Variants in ADAP2 observed in about 807,000 individuals in gnomAD.
ADAP2 encodes the protein arf-GAP with dual PH domain-containing protein 2.
In ADAP2, 42 loss-of-function variants were observed where a neutral mutation model predicts 54.9. The observed-to-expected ratio is 0.77, with a 90% CI of 0.60 to 0.99. The LOEUF (loss-of-function observed/expected upper bound fraction) is 0.99, where lower values mean the gene tolerates loss of function less well. ADAP2 is among the 50% of genes least tolerant of loss of function. The pLI, the probability that ADAP2 is intolerant of heterozygous loss-of-function variation, is 0.00. For missense variants in ADAP2, 429 were observed against 480.4 expected (o/e 0.89, Z 1.00); for synonymous variants, 177 against 180.1 (o/e 0.98, Z 0.14).
Position 30,934,205 on chromosome 17 carries a change from T to G in ADAP2, c.418T>G (p.Trp140Gly), listed in dbSNP as rs1911702559. ...SLPGNREGFL[W>G]KRGRDNSQFL... is the part of the protein sequence containing the mutation. ...TTAAGGTAACCGAGAAGGATTCCTGTGGAAGCGAGGAAGGGACAACTCACA... is the reference window on the plus strand; with the variant it reads ...TTAAGGTAACCGAGAAGGATTCCTGGGGAAGCGAGGAAGGGACAACTCACA... The change falls in exon 5 of 11, where the codon TGG becomes GGG. Residue 140 changes from tryptophan to glycine, a missense_variant. Trp to Gly is a radical substitution (Grantham distance 184). Transcript: ENST00000330889. 2 of 1,614,068 alleles carry G rather than the reference T, an allele frequency of 1.2e-6. No individual in the cohort carries two copies. Among genetic ancestry groups the G allele is most frequent in the East Asian group, 4.5e-5 (2 of 44,878 alleles).
intron 3 of ADAP2, among the ~76,000 whole-genome samples, chr17:30,930,509 C>G (rs1373033622): frequency 1.3e-5 from 2 of 152,218 alleles, no homozygotes; most frequent in African/African-American, 4.8e-5. Context: ...CTCTCATACT[C>G]TCTCTGGCTC....
chr17:30,952,749 C>T (rs1904766138), intron 7 of ADAP2, among the ~76,000 whole-genome samples: 1 of 152,070 alleles, frequency 6.6e-6, no homozygotes, highest in South Asian at 2.1e-4. Context: ...CTCAGAGGGC[C>T]CTGGCATATT....
At chr17:30,950,531 C>T (rs1332601543) in intron 7 of ADAP2, among the ~76,000 whole-genome samples, 4 of 152,244 alleles carry the variant, frequency 2.6e-5, no homozygotes, top group Non-Finnish European at 5.9e-5. Flanking sequence ...CTCTGGTCCT[C>T]TTCAAGAGGC....
At chr17:30,927,693 C>T (rs894719541) in intron 3 of ADAP2, among the ~76,000 whole-genome samples, 8 of 151,970 alleles carry the variant, frequency 5.3e-5, no homozygotes. Context: ...AACAACTTGC[C>T]TGAGCTGCAG....
chr17:30,939,767 T>A (rs1212781390), intron 5 of ADAP2, among the ~76,000 whole-genome samples: 4 of 146,494 alleles, frequency 2.7e-5, no homozygotes, highest in Admixed American at 1.4e-4. Context: ...CAAAATTCCA[T>A]TTCCAAAAAA....
chr17:30,928,190 CA>C (rs1168453604), intron 3 of ADAP2, among the ~76,000 whole-genome samples: 669 of 33,244 alleles, frequency 0.02, no homozygotes, highest in African/African-American at 0.031. Context: ...GAGACTGTCT[CA>C]AAAAAAAAAA....
At chr17:30,923,874 A>T (rs1295352433) in intron 2 of ADAP2, among the ~76,000 whole-genome samples, 6 of 149,776 alleles carry the variant, frequency 4.0e-5, no homozygotes, top group Non-Finnish European at 7.4e-5. Flanking sequence ...TAATTTTTGT[A>T]TTAATTTTTA....
chr17:30,955,046 A>G (rs911155159), intron 9 of ADAP2, among the ~76,000 whole-genome samples: 5 of 151,956 alleles, frequency 3.3e-5, no homozygotes, highest in Non-Finnish European at 5.9e-5. Flanking sequence ...TTAAGTTACT[A>G]TATATAAAGC....
chr17:30,925,619 TCTCA>T (rs1911000075), intron 2 of ADAP2, among the ~76,000 whole-genome samples: 2 of 149,766 alleles, frequency 1.3e-5, no homozygotes, highest in Non-Finnish European at 3.0e-5. Context: ...TGAGACGGAG[TCTCA>T]CTCACTCTGT....
At chr17:30,933,648 C>T (rs1464743793) in intron 4 of ADAP2, among the ~76,000 whole-genome samples, 1 of 152,100 alleles carries the variant, frequency 6.6e-6, no homozygotes, top group Non-Finnish European at 1.5e-5. Context: ...TACAGGCACG[C>T]GCCACCATGC....
chr17:30,925,338 C>T (rs1389122616), intron 2 of ADAP2, among the ~76,000 whole-genome samples: 1 of 151,256 alleles, frequency 6.6e-6, no homozygotes, highest in Non-Finnish European at 1.5e-5. Flanking sequence ...TACAGGCGCC[C>T]GCCACCATGC....
intron 4 of ADAP2, 91 bp downstream of exon 4, chr17:30,932,059 A>G: frequency 1.6e-6 from 2 of 1,220,568 alleles, no homozygotes; most frequent in Non-Finnish European, 2.4e-6. Context: ...GATCCATCCA[A>G]GAGATGCCTG....
At chr17:30,952,513 T>C (rs1285919010) in intron 7 of ADAP2, among the ~76,000 whole-genome samples, 2 of 152,142 alleles carry the variant, frequency 1.3e-5, no homozygotes, top group Non-Finnish European at 2.9e-5. Flanking sequence ...GTAGCTGGGA[T>C]TACAAGCGCG....
In ADAP2 at chr17:30,922,924, GC is replaced by G. The variant is rs1910746692; in HGVS notation, c.95-14del. ...GCGCTTTCCGCTCAGCTCCTCTCCT[GC>G]CTCATCCCCTGCAGATCCCGACTGG... On this transcript the variant is annotated splice_polypyrimidine_tract_variant and intron_variant, in intron 1 of 10. Coordinates refer to ENST00000330889, the MANE Select transcript of ADAP2 (RefSeq NM_018404.3). 11 of 1,612,964 alleles carry G rather than the reference GC, an allele frequency of 6.8e-6. No individual in the cohort carries two copies. The highest frequency in any genetic ancestry group is 9.3e-6 in the Non-Finnish European group (11 of 1,179,666).
intron 4 of ADAP2, 66 bp downstream of exon 4, chr17:30,932,034 A>G: frequency 6.9e-7 from 1 of 1,458,888 alleles, no homozygotes; most frequent in Non-Finnish European, 9.6e-7. Flanking sequence ...CCAAGTGCCT[A>G]AATATTAGGA....
intron 2 of ADAP2, among the ~76,000 whole-genome samples, chr17:30,923,279 T>C (rs1204798401): frequency 1.3e-5 from 2 of 151,620 alleles, no homozygotes; most frequent in Non-Finnish European, 2.9e-5. Flanking sequence ...TTTTTTTTTT[T>C]TTTGAGACGG....
At position 30,926,815 on chromosome 17, in the gene ADAP2, G is replaced by C. The variant is rs766270958; in HGVS notation, c.226-12G>C. On this transcript the variant is annotated splice_polypyrimidine_tract_variant and intron_variant, in intron 2 of 10. Coordinates refer to ENST00000330889, the MANE Select transcript of ADAP2 (RefSeq NM_018404.3). ...AGTTCTAATATTACCTCAGGTTGCT[G>C]TTGTCTTGCAGTTTATGATCCACAA... 1.4e-5 allele frequency: 23 copies of C among 1,613,268 alleles called. No individual in the cohort carries two copies. The highest frequency in any genetic ancestry group is 1.9e-5 in the Non-Finnish European group (22 of 1,179,338).
In ADAP2 at chr17:30,957,945, C is replaced by T. The variant is rs535929437; in HGVS notation, c.*76C>T. On this transcript the variant is annotated 3_prime_UTR_variant, in exon 11 of 11. Transcript: ENST00000330889. ...GAAGAAGTTTGCACCTCGGCCCTGG[C>T]TGCCCACCATCAGTGCCCCGCAGTC... is the stretch of plus-strand genomic sequence containing the variant. The T allele has an allele frequency of 1.3e-5, 18 of 1,416,808 alleles. No individual in the cohort carries two copies. In the Admixed American group the frequency reaches 2.4e-4, roughly 19 times the overall value. The allele number at this position is 1,416,808 out of a possible 1,614,324, so 87.8% of individuals were successfully genotyped here. A position where few individuals can be genotyped will look rare whatever the true frequency, so the allele number is the denominator to read the frequency against.
chr17:30,932,583 T>C (rs1489843149), intron 4 of ADAP2, among the ~76,000 whole-genome samples: 6 of 149,018 alleles, frequency 4.0e-5, no homozygotes, highest in African/African-American at 7.4e-5. Context: ...TCTTCTTCTT[T>C]TTTTTTTTTT....
Sources: gnomAD v4.1 joint callset for allele counts (sites outside exome capture counted in the v4.1 genomes callset) on GRCh38, gnomAD v4.1.1 for gene constraint, MANE v1.5 for transcripts, NCBI Gene and HGNC (gene_info 2026-07-23, HGNC 2026-07-21) for gene names.